The following RIMS1 variants were observed in gnomAD, a reference collection of about 807,000 sequenced individuals.
RIMS1 encodes the protein regulating synaptic membrane exocytosis protein 1.
Under a neutral mutation model 214.1 loss-of-function variants are expected in RIMS1, and 83 were observed. The ratio of observed to expected loss-of-function variants is 0.39; its 90% CI spans 0.32 to 0.47. The LOEUF (loss-of-function observed/expected upper bound fraction) is 0.47. RIMS1 is among the 20% of genes least tolerant of loss of function. The probability of loss-of-function intolerance (pLI) is 0.99; values close to 1 mark genes in which losing one functional copy is unlikely to be tolerated. For missense variants in RIMS1, 2,050 were observed against 2,161.8 expected (o/e 0.95, Z 1.03); for synonymous variants, 793 against 786.8 (o/e 1.01, Z -0.13).
chr6:72,283,147 G>A lies in RIMS1; in HGVS notation c.3483-900G>A, dbSNP rs904452128. On this transcript the variant is annotated intron_variant, in intron 23 of 33. Transcript: ENST00000521978. ...AAGGGATATCAGTAAAGAAAAATAA[G>A]CTTAATTTGTAGATAATTAATATTA... Among the ~76,000 whole-genome samples, 8 of 151,976 alleles carry A rather than the reference G, an allele frequency of 5.3e-5. No individual in the cohort carries two copies. The East Asian group carries it at 1.5e-3, about 29-fold the overall frequency.
chr6:72,375,629 T>C (rs1482294393), intron 29 of RIMS1, among the ~76,000 whole-genome samples: 1 of 152,198 alleles, frequency 6.6e-6, no homozygotes, highest in East Asian at 1.9e-4. Context: ...GAGTAGTTAT[T>C]GCTTTTCACA....
At chr6:72,150,031 G>A (rs949534915) in intron 4 of RIMS1, among the ~76,000 whole-genome samples, 1 of 152,124 alleles carries the variant, frequency 6.6e-6, no homozygotes, top group Non-Finnish European at 1.5e-5. Flanking sequence ...GAAAGGTGAG[G>A]GGGGTGGAGA....
chr6:72,147,776 C>T (rs2042943219), intron 4 of RIMS1, among the ~76,000 whole-genome samples: 1 of 152,166 alleles, frequency 6.6e-6, no homozygotes, highest in Non-Finnish European at 1.5e-5. Flanking sequence ...CCTTTTGAAT[C>T]TTTTATTACC....
intron 2 of RIMS1, among the ~76,000 whole-genome samples, chr6:72,009,677 A>G (rs552498860): frequency 3.5e-4 from 53 of 152,344 alleles, no homozygotes; most frequent in Non-Finnish European, 6.3e-4. Flanking sequence ...ACAAACTACT[A>G]TCAGAGAATA....
chr6:72,040,903 T>C (rs1306485137), intron 2 of RIMS1, among the ~76,000 whole-genome samples: 3 of 151,892 alleles, frequency 2.0e-5, no homozygotes, highest in African/African-American at 7.2e-5. Flanking sequence ...TTAAAAAATA[T>C]TTGGTGTGTC....
In RIMS1 at chr6:72,401,183, G is replaced by GT. The variant is rs1310176692; in HGVS notation, c.*474dup. 6.5e-6 allele frequency: 1 copy of GT among 153,178 alleles called. No homozygotes were observed. The allele number at this position is 153,178 out of a possible 1,614,324, so 9.5% of individuals were successfully genotyped here. A position where few individuals can be genotyped will look rare whatever the true frequency, so the allele number is the denominator to read the frequency against. On this transcript the variant is annotated 3_prime_UTR_variant, in exon 34 of 34. Transcript: ENST00000521978. The stretch of plus-strand genomic sequence containing the variant: ...TTGTTTGTTGGTTTTCGTTTCTTGA[G>GT]TTTTTGTTTTGTTTTCACCACATCT...
chr6:72,080,907 G>A (rs1833221854), intron 2 of RIMS1, among the ~76,000 whole-genome samples: 1 of 152,182 alleles, frequency 6.6e-6, no homozygotes, highest in Admixed American at 6.5e-5. Flanking sequence ...AAAGTCCTCA[G>A]ATGATAATAT....
At chr6:72,010,593 C>G (rs1027773764) in intron 2 of RIMS1, among the ~76,000 whole-genome samples, 14 of 152,290 alleles carry the variant, frequency 9.2e-5, no homozygotes, top group Middle Eastern at 6.8e-3. Context: ...ATTGTTTCAG[C>G]CCAAAATCTC....
At chr6:71,980,153 A>C (rs550769314) in intron 2 of RIMS1, among the ~76,000 whole-genome samples, 48 of 152,154 alleles carry the variant, frequency 3.2e-4, no homozygotes, top group African/African-American at 1.1e-3. Context: ...GTTGTGAAAA[A>C]ACAGGAAGCT....
chr6:72,203,209 G>A (rs942639616), intron 6 of RIMS1, among the ~76,000 whole-genome samples: 7 of 151,960 alleles, frequency 4.6e-5, no homozygotes, highest in Non-Finnish European at 8.8e-5. Flanking sequence ...GGATGGTCTC[G>A]ATCTCCTGAC....
intron 2 of RIMS1, among the ~76,000 whole-genome samples, chr6:71,976,150 A>C (rs1797077567): frequency 6.6e-6 from 1 of 152,120 alleles, no homozygotes; most frequent in Admixed American, 6.6e-5. Flanking sequence ...ATTTCAAAGT[A>C]GCTGCATTAT....
intron 28 of RIMS1, among the ~76,000 whole-genome samples, chr6:72,318,647 C>T (rs943603159): frequency 1.2e-4 from 19 of 152,094 alleles, no homozygotes; most frequent in Non-Finnish European, 2.8e-4. Flanking sequence ...CTGGATCATT[C>T]TCCTCTCTGA....
chr6:72,118,631 C>T (rs1034091091), intron 4 of RIMS1, among the ~76,000 whole-genome samples: 1 of 151,674 alleles, frequency 6.6e-6, no homozygotes, highest in Non-Finnish European at 1.5e-5. Context: ...ACATCATGAT[C>T]AAGTGGGTTT....
At chr6:72,283,391 AAGT>A (rs1194987101) in intron 23 of RIMS1, among the ~76,000 whole-genome samples, 1 of 152,286 alleles carries the variant, frequency 6.6e-6, no homozygotes, top group Non-Finnish European at 1.5e-5. Context: ...TACTTTTAAA[AAGT>A]AGAATAAACT....
intron 29 of RIMS1, among the ~76,000 whole-genome samples, chr6:72,382,010 G>GA (rs2098499383): frequency 6.6e-6 from 1 of 152,154 alleles, no homozygotes; most frequent in Admixed American, 6.5e-5. Flanking sequence ...ATCATCAAAA[G>GA]AATGATTCCA....
At chr6:71,925,159 G>A (rs1781236224) in intron 1 of RIMS1, among the ~76,000 whole-genome samples, 1 of 152,160 alleles carries the variant, frequency 6.6e-6, no homozygotes, top group African/African-American at 2.4e-5. Context: ...CACTTTTGAG[G>A]TTTTCTGCCC....
At chr6:72,333,493 T>C in intron 28 of RIMS1, 107 bp from the exon 29 acceptor site, 1 of 877,448 alleles carries the variant, frequency 1.1e-6, no homozygotes, top group Non-Finnish European at 1.8e-6. Context: ...CTGCATTTTC[T>C]CCCTAAAAAT....
At chr6:72,206,240 ATTTCTATC>A (rs1471494389) in intron 6 of RIMS1, among the ~76,000 whole-genome samples, 1 of 152,132 alleles carries the variant, frequency 6.6e-6, no homozygotes, top group African/African-American at 2.4e-5. Context: ...TATGCATTTC[ATTTCTATC>A]ATTTAATGCA....
chr6:71,912,392 A>G (rs1010424150), intron 1 of RIMS1, among the ~76,000 whole-genome samples: 1 of 152,152 alleles, frequency 6.6e-6, no homozygotes, highest in Non-Finnish European at 1.5e-5. Flanking sequence ...TGTGTCTCCA[A>G]TAAAGCAAAC....
Sources: allele counts gnomAD v4.1 joint callset (sites outside exome capture counted in the v4.1 genomes callset), GRCh38; gene constraint gnomAD v4.1.1; transcripts MANE v1.5; gene names NCBI Gene and HGNC (gene_info 2026-07-23, HGNC 2026-07-21).